The following CHMP4A variants were observed in gnomAD, a reference collection of about 807,000 sequenced individuals.
CHMP4A encodes charged multivesicular body protein 4A.
CHMP4A carries 29 observed loss-of-function variants against 28.2 expected under a neutral mutation model. The ratio of observed to expected loss-of-function variants is 1.03; its 90% CI spans 0.77 to 1.40. CHMP4A has a LOEUF of 1.40. Among genes scored for constraint, CHMP4A ranks in the 40% most tolerant of loss-of-function variants. The pLI is 0.00. For synonymous variants in CHMP4A, 88 were observed against 99.3 expected (o/e 0.89, Z 0.67); for missense variants, 241 against 263.5 (o/e 0.91, Z 0.59).
rs1407446330 is a variant in CHMP4A at position 24,210,756 on chromosome 14, C to T, written c.372G>A (p.Lys124=). 2 of 1,613,376 alleles carry T rather than the reference C, an allele frequency of 1.2e-6. No homozygotes were observed. The highest frequency in any genetic ancestry group is 3.3e-5 in the Admixed American group (2 of 60,004). The part of the protein sequence containing the change: ...KKAYQDMDID[K]VDELMTDITE... The stretch of plus-strand genomic sequence containing the variant: ...TGATGTCAGTCATCAGTTCATCTAC[C>T]TTGTCAATGTCCCTGAGAATGAGAT... The change falls in exon 4 of 6, where the codon AAG becomes AAA. Residue 124 remains lysine (K), a synonymous_variant. Coordinates refer to ENST00000347519, the MANE Select transcript of CHMP4A (RefSeq NM_014169.5).
chr14:24,213,181 T>G (rs1048574738), intron 1 of CHMP4A: 31 of 528,424 alleles, frequency 5.9e-5, no homozygotes, highest in Non-Finnish European at 1.3e-5. Context: ...TTCTTCCCTC[T>G]GAGAGTGGGG....
rs1390856419 is a variant in CHMP4A at position 24,209,886 on chromosome 14, C to T, written c.660G>A (p.Trp220Ter). 6.2e-7 allele frequency: 1 copy of T among 1,613,918 alleles called. No individual in the cohort carries two copies. The highest frequency in any genetic ancestry group is 8.5e-7 in the Non-Finnish European group (1 of 1,179,844). The change falls in exon 6 of 6, where the codon TGG (tryptophan) becomes TGA (stop). Residue 220 changes from tryptophan (W) to a stop codon, truncating the protein, a stop_gained. Transcript: ENST00000347519. LOFTEE classifies it high-confidence loss of function. Reference protein sequence around the residue: ...DEEALKQLAEWVS With the variant: ...DEEALKQLAE ...GACAAGCCCAGATTTATCAGGATACCCACTCAGCCAACTGCTTTAGTGCTT... is the reference window on the plus strand; with the variant it reads ...GACAAGCCCAGATTTATCAGGATACTCACTCAGCCAACTGCTTTAGTGCTT...
At chr14:24,210,804 C>A (rs778641533) in intron 3 of CHMP4A, 36 bp from the exon 4 acceptor site, 2 of 1,478,928 alleles carry the variant, frequency 1.4e-6, no homozygotes, top group Admixed American at 1.7e-5. Flanking sequence ...AATCACGCAA[C>A]AATGCCCCCT....
chr14:24,213,398 C>T lies in CHMP4A; in HGVS notation c.31+11G>A, dbSNP rs1474601638. On this transcript the variant is annotated intron_variant, in intron 1 of 5. Coordinates refer to ENST00000347519, the MANE Select transcript of CHMP4A (RefSeq NM_014169.5). ...AGCGCCTCCTGGCTGGCCAGTCCCACCCTGGCTCACCCTTCCCGAAGAGCC... is the reference window on the plus strand; with the variant it reads ...AGCGCCTCCTGGCTGGCCAGTCCCATCCTGGCTCACCCTTCCCGAAGAGCC... The T allele has an allele frequency of 6.3e-7, 1 of 1,593,136 alleles. No homozygotes were observed. Among genetic ancestry groups the T allele is most frequent in the East Asian group, 2.3e-5 (1 of 43,828 alleles).
intron 3 of CHMP4A, 171 bp downstream of exon 3, chr14:24,211,244 T>C (rs2039588250): frequency 1.8e-6 from 1 of 565,940 alleles, no homozygotes; most frequent in South Asian, 2.9e-5. Flanking sequence ...CTCCCTAGAA[T>C]GCCCCAGGCA....
chr14:24,212,552 TA>T (rs1368328925), intron 1 of CHMP4A: 16 of 373,218 alleles, frequency 4.3e-5, no homozygotes, highest in East Asian at 1.0e-4. Flanking sequence ...CATGCCCACC[TA>T]ATTTTTTTTT....
chr14:24,213,349 G>T, intron 1 of CHMP4A, 60 bp downstream of exon 1: 10 of 1,470,448 alleles, frequency 6.8e-6, no homozygotes, highest in Non-Finnish European at 8.9e-6. Context: ...TCTCGCCGGG[G>T]TCTCCTCTTC....
At position 24,210,917 on chromosome 14, in the gene CHMP4A, A is replaced by G. The variant is rs1566658894; in HGVS notation, c.360-149T>C. 84 of 645,148 alleles carry G rather than the reference A, an allele frequency of 1.3e-4. 2 individuals are homozygous for G. In the South Asian group the frequency reaches 1.5e-3, roughly 11 times the overall value. 40.0% of individuals were successfully genotyped at this position (645,148 alleles called of 1,614,324 possible). A position where few individuals can be genotyped will look rare whatever the true frequency, so the allele number is the denominator to read the frequency against. On this transcript the variant is annotated intron_variant, in intron 3 of 5. Transcript: ENST00000347519. ...AAGAGATCCCTGGAAAATTGCAAAG[A>G]TGCAAGTTGTGATCCCAGCACTTTG...
chr14:24,210,418 C>G lies in CHMP4A; in HGVS notation c.540G>C (p.Val180=). 6.2e-7 allele frequency: 1 copy of G among 1,614,116 alleles called. No individual in the cohort carries two copies. Among genetic ancestry groups the G allele is most frequent in the Non-Finnish European group, 8.5e-7 (1 of 1,180,018 alleles). The change falls in exon 5 of 6, where the codon GTG becomes GTC. Residue 180 remains valine (V), a synonymous_variant. Coordinates refer to ENST00000347519, the MANE Select transcript of CHMP4A (RefSeq NM_014169.5). ...CTGAGGGTTCTTCTTCCTTGTCGCC[C>G]ACATTTAACAACTCCTGGGCCAATT... is the stretch of plus-strand genomic sequence containing the variant. ...QEELAQELLN[V]GDKEEEPSVK...
At chr14:24,210,995 C>A (rs2039586609) in intron 3 of CHMP4A, 1 of 515,022 alleles carries the variant, frequency 1.9e-6, no homozygotes, top group Non-Finnish European at 3.5e-6. Flanking sequence ...ACCAGCCTGG[C>A]CAAAATGGCA....
Position 24,211,718 on chromosome 14 carries a change from A to G in CHMP4A, c.143T>C (p.Leu48Pro), listed in dbSNP as rs1275508183. The G allele has an allele frequency of 6.2e-7, 1 of 1,613,940 alleles. No homozygotes were observed. The highest frequency in any genetic ancestry group is 8.5e-7 in the Non-Finnish European group (1 of 1,180,032). ...EFLEQKIQQELQTAKKYGTKN... is the reference protein window; with the variant it reads ...EFLEQKIQQEPQTAKKYGTKN... Reference sequence around the variant, plus strand: ...GGTCCCATACTTCTTGGCTGTTTGTAGCTCCTGTTGAATCTTCTGCTCCAA... The same window carrying G: ...GGTCCCATACTTCTTGGCTGTTTGTGGCTCCTGTTGAATCTTCTGCTCCAA... Residue 48 changes from leucine to proline, a missense_variant, in exon 2 of 6, where the codon CTA becomes CCA. Coordinates refer to ENST00000347519, the MANE Select transcript of CHMP4A (RefSeq NM_014169.5).
chr14:24,212,554 ATTTTTTTT>A, intron 1 of CHMP4A: 1 of 315,638 alleles, frequency 3.2e-6, no homozygotes, highest in Middle Eastern at 1.1e-3. Context: ...TGCCCACCTA[ATTTTTTTT>A]TTTTTTTTTG....
intron 1 of CHMP4A, chr14:24,212,536 C>A: frequency 2.5e-6 from 1 of 396,008 alleles, no homozygotes; most frequent in Non-Finnish European, 4.8e-6. Flanking sequence ...TACAGGCACA[C>A]ACCATCATGC....
intron 1 of CHMP4A, 104 bp downstream of exon 1, chr14:24,213,305 C>T: frequency 7.4e-7 from 1 of 1,353,030 alleles, no homozygotes; most frequent in South Asian, 1.6e-5. Context: ...TCTCCTGATT[C>T]TCTTCCCCTG....
At position 24,210,780 on chromosome 14, in the gene CHMP4A, A is replaced by C; in HGVS notation, c.360-12T>G. The C allele has an allele frequency of 6.3e-7, 1 of 1,590,316 alleles. No individual in the cohort carries two copies. Among genetic ancestry groups the C allele is most frequent in the Non-Finnish European group, 8.6e-7 (1 of 1,158,278 alleles). On this transcript the variant is annotated splice_polypyrimidine_tract_variant and intron_variant, in intron 3 of 5. Coordinates refer to ENST00000347519, the MANE Select transcript of CHMP4A (RefSeq NM_014169.5). ...CCTTGTCAATGTCCCTGAGAATGAG[A>C]TAGATAGCTAAGAAATCACGCAACA...
intron 3 of CHMP4A, among the ~76,000 whole-genome samples, chr14:24,211,028 A>G (rs2039586715): frequency 6.6e-6 from 1 of 152,182 alleles, no homozygotes; most frequent in African/African-American, 2.4e-5. Context: ...TACTAAAAAT[A>G]CAAAAATGAG....
rs374691508 is a variant in CHMP4A at position 24,209,981 on chromosome 14, G to T, written c.611-46C>A. Reference sequence around the variant, plus strand: ...AGAGAAAAGAAAGGAGAAGCAGTAAGGTCTCAGCAACTCCAACCATCCCCT... The same window carrying T: ...AGAGAAAAGAAAGGAGAAGCAGTAATGTCTCAGCAACTCCAACCATCCCCT... On this transcript the variant is annotated intron_variant, in intron 5 of 5. Transcript: ENST00000347519. The T allele has an allele frequency of 8.2e-4, 1,278 of 1,557,096 alleles. 18 individuals are homozygous for T. In the South Asian group the frequency reaches 0.013, roughly 16 times the overall value.
intron 3 of CHMP4A, 32 bp from the exon 4 acceptor site, chr14:24,210,800 G>GC: frequency 6.7e-7 from 1 of 1,498,172 alleles, no homozygotes; most frequent in Non-Finnish European, 9.3e-7. Context: ...AAGAAATCAC[G>GC]CAACAATGCC....
At position 24,211,489 on chromosome 14, in the gene CHMP4A, A is replaced by G; in HGVS notation, c.285T>C (p.Asn95=). 6.2e-7 allele frequency: 1 copy of G among 1,614,042 alleles called. No homozygotes were observed. The part of the protein sequence containing the change: ...TLEFQREAIE[N]ATTNAEVLRT... ...GAAGGACTTCTGCATTGGTAGTGGCATTCTCAATGGCCTCACGCTGAAACT... is the reference window on the plus strand; with the variant it reads ...GAAGGACTTCTGCATTGGTAGTGGCGTTCTCAATGGCCTCACGCTGAAACT... Residue 95 remains asparagine (N), a synonymous_variant, in exon 3 of 6, where the codon AAT becomes AAC. Transcript: ENST00000347519.
Sources: gnomAD v4.1 joint callset for allele counts (sites outside exome capture counted in the v4.1 genomes callset) on GRCh38, gnomAD v4.1.1 for gene constraint, MANE v1.5 for transcripts, NCBI Gene and HGNC (gene_info 2026-07-23, HGNC 2026-07-21) for gene names.